The following NSD2 variants were observed in gnomAD, a reference collection of about 807,000 sequenced individuals.
NSD2 encodes histone-lysine N-methyltransferase NSD2.
Under a neutral mutation model 139.0 loss-of-function variants are expected in NSD2, and 12 were observed. That is an observed-to-expected ratio of 0.09 (90% CI 0.06 to 0.14). The LOEUF (loss-of-function observed/expected upper bound fraction) is 0.14, where lower values mean the gene tolerates loss of function less well. Among genes scored for constraint, NSD2 ranks in the 10% least tolerant of loss-of-function variants. The pLI is 1.00. For synonymous variants in NSD2, 669 were observed against 648.7 expected, an observed-to-expected ratio of 1.03 and a Z score of -0.48; for missense variants, 1,155 against 1,745.0, an observed-to-expected ratio of 0.66 and a Z score of 6.02.
rs759061394 is a variant in NSD2, at chr4:1,951,115, A to T, written c.1925A>T (p.Glu642Val). 3.7e-6 allele frequency: 6 copies of T among 1,614,112 alleles called. No homozygotes were observed. The highest frequency in any genetic ancestry group is 5.1e-6 in the Non-Finnish European group (6 of 1,180,046). The change falls in exon 10 of 22, where the codon GAA becomes GTA. Residue 642 changes from glutamate (E) to valine (V), a missense_variant. Glu to Val is a moderately radical substitution (Grantham distance 121). Around this residue, in one of 8 missense-constraint regions of NSD2, gnomAD observed 420 missense variants for 469.0 expected, o/e 0.90. Coordinates refer to ENST00000508803, the MANE Select transcript of NSD2 (RefSeq NM_001042424.3). ...GACGAGCCCTCGGAGTCCCCATACG[A>T]AAGTGCAGACGAAACACAAACTGAA... ...PGDEPSESPY[E>V]SADETQTEVS... is the part of the protein sequence containing the mutation.
chr4:1,976,365 G>T lies in NSD2; in HGVS notation c.3622-110G>T, dbSNP rs1727080571. 4 of 1,193,702 alleles carry T rather than the reference G, an allele frequency of 3.4e-6. No individual in the cohort carries two copies. Among genetic ancestry groups the T allele is most frequent in the Non-Finnish European group, 2.4e-6 (2 of 839,718 alleles). 73.9% of individuals were successfully genotyped at this position (1,193,702 alleles called of 1,614,324 possible). A position where few individuals can be genotyped will look rare whatever the true frequency, so the allele number is the denominator to read the frequency against. ...CTCCTCTCCTCTCCTCTTAGTGTTG[G>T]GCACCTGCAGAGATCTCTGAAGTTC... On this transcript the variant is annotated intron_variant, in intron 20 of 21. Transcript: ENST00000508803. This position sits in a 1 kb window ranked among gnomAD's most constrained non-coding sequence, Gnocchi z 5.3.
At chr4:1,946,142 A>G (rs749081046) in intron 9 of NSD2, 3 of 1,027,332 alleles carry the variant, frequency 2.9e-6, no homozygotes, top group Middle Eastern at 4.5e-4. Context: ...AAGCTAAATT[A>G]TAGTCTTTTG....
intron 18 of NSD2, among the ~76,000 whole-genome samples, chr4:1,967,114 A>G (rs931805684): frequency 6.6e-6 from 1 of 152,260 alleles, no homozygotes; most frequent in Non-Finnish European, 1.5e-5. Context: ...CTTCTACAGA[A>G]ATAAAAAAGG....
chr4:1,956,608 T>G lies in NSD2; in HGVS notation c.2881+420T>G, dbSNP rs1272360749. On this transcript the variant is annotated intron_variant, in intron 15 of 21. Coordinates refer to ENST00000508803, the MANE Select transcript of NSD2 (RefSeq NM_001042424.3). The surrounding 1 kb of genome is among the most constrained non-coding windows in gnomAD (Gnocchi z 5.3). Reference sequence around the variant, plus strand: ...TCAAGCAGACAAGGTGCTTGGCCTCTGATTCCCCAGCTGGGGTGGGAGGCA... The same window carrying G: ...TCAAGCAGACAAGGTGCTTGGCCTCGGATTCCCCAGCTGGGGTGGGAGGCA... 2.0e-5 allele frequency among the ~76,000 whole-genome samples: 3 copies of G among 152,226 alleles called. No homozygotes were observed. Among genetic ancestry groups the G allele is most frequent in the Non-Finnish European group, 4.4e-5 (3 of 68,038 alleles).
In NSD2 at chr4:1,976,795, G is replaced by A. The variant is rs141584086; in HGVS notation, c.3826+116G>A. 1.2e-3 allele frequency: 1,360 copies of A among 1,106,694 alleles called. 10 individuals are homozygous for A. In the African/African-American group the frequency reaches 0.019, roughly 15 times the overall value. 68.6% of individuals were successfully genotyped at this position (1,106,694 alleles called of 1,614,324 possible). The stretch of plus-strand genomic sequence containing the variant: ...TCATCTGGGTGCAGGCACATCAGGC[G>A]CTCATGCAGCGAAGGCCCTGATCCA... On this transcript the variant is annotated intron_variant, in intron 21 of 21. Transcript: ENST00000508803. The surrounding 1 kb of genome is among the most constrained non-coding windows in gnomAD (Gnocchi z 5.3).
intron 1 of NSD2, among the ~76,000 whole-genome samples, chr4:1,873,064 G>C (rs1437695031): frequency 6.6e-6 from 1 of 152,166 alleles, no homozygotes; most frequent in Non-Finnish European, 1.5e-5. Flanking sequence ...TGGAGATGAA[G>C]AGGACTCATG....
intron 21 of NSD2, 31 bp from the exon 22 acceptor site, chr4:1,978,607 C>A (rs1024133445): frequency 6.3e-7 from 1 of 1,577,418 alleles, no homozygotes; most frequent in African/African-American, 1.3e-5. Flanking sequence ...TCCATCACTT[C>A]TGTGTGCTCA....
chr4:1,944,621 C>T, intron 9 of NSD2: 2 of 1,063,254 alleles, frequency 1.9e-6, no homozygotes, highest in Non-Finnish European at 2.3e-6. Flanking sequence ...TGTAGCTGTT[C>T]TAAAAACGTA....
chr4:1,909,306 G>C (rs909728175), intron 3 of NSD2, among the ~76,000 whole-genome samples: 1 of 152,064 alleles, frequency 6.6e-6, no homozygotes, highest in Non-Finnish European at 1.5e-5. Flanking sequence ...AGAAGGCCTA[G>C]GTTCTTTGAG....
At chr4:1,910,920 T>A (rs1263325590) in intron 3 of NSD2, among the ~76,000 whole-genome samples, 1 of 152,224 alleles carries the variant, frequency 6.6e-6, no homozygotes, top group African/African-American at 2.4e-5. Context: ...TGTGGTCTCA[T>A]GTCGTTGTGA....
intron 10 of NSD2, 48 bp from the exon 11 acceptor site, chr4:1,952,060 C>A (rs766672132): frequency 1.2e-5 from 20 of 1,600,156 alleles, no homozygotes; most frequent in Non-Finnish European, 1.7e-5. Flanking sequence ...GTAAGAGGTG[C>A]AGAAGGGACT....
intron 1 of NSD2, among the ~76,000 whole-genome samples, chr4:1,883,324 CA>C (rs1714843218): frequency 6.6e-6 from 1 of 151,822 alleles, no homozygotes; most frequent in African/African-American, 2.4e-5. Context: ...CCCCTCCCCC[CA>C]TTTAAAAGTG....
In NSD2 at chr4:1,979,042, G is replaced by GGA. The variant is rs1327534049; in HGVS notation, c.*135_*136dup. 1.7e-6 allele frequency: 2 copies of GGA among 1,205,368 alleles called. No homozygotes were observed. Among genetic ancestry groups the GGA allele is most frequent in the African/African-American group, 3.1e-5 (2 of 65,018 alleles). The allele number at this position is 1,205,368 out of a possible 1,614,324, so 74.7% of individuals were successfully genotyped here. On this transcript the variant is annotated 3_prime_UTR_variant, in exon 22 of 22. Coordinates refer to ENST00000508803, the MANE Select transcript of NSD2 (RefSeq NM_001042424.3). ...GGACACAGACGTACAGGCCTCCTCG[G>GGA]GAGGGAGCGCCTCCCCACCACTGAG... is the stretch of plus-strand genomic sequence containing the variant.
intron 5 of NSD2, among the ~76,000 whole-genome samples, chr4:1,920,244 G>A (rs1379079077): frequency 2.6e-5 from 4 of 152,248 alleles, no homozygotes; most frequent in African/African-American, 7.2e-5. Context: ...GAGGTTAGGA[G>A]TTTGAGGCTA....
intron 12 of NSD2, 151 bp downstream of exon 12, chr4:1,953,675 C>A (rs1268697371): frequency 7.0e-6 from 7 of 993,016 alleles, no homozygotes; most frequent in Admixed American, 5.6e-5. Context: ...GTTGGGTTTT[C>A]TTTGACAAAG....
intron 3 of NSD2, among the ~76,000 whole-genome samples, chr4:1,916,468 C>T (rs1719412037): frequency 1.3e-5 from 2 of 152,198 alleles, no homozygotes; most frequent in African/African-American, 4.8e-5. Context: ...ACCTCAGCCT[C>T]CAGAGTAGCT....
intron 18 of NSD2, among the ~76,000 whole-genome samples, chr4:1,963,006 G>A (rs1306687231): frequency 6.6e-6 from 1 of 152,108 alleles, no homozygotes; most frequent in Non-Finnish European, 1.5e-5. Context: ...GGTGGGCTCT[G>A]GCATACCCTA....
chr4:1,880,749 G>C (rs904146223), intron 1 of NSD2, among the ~76,000 whole-genome samples: 1 of 152,138 alleles, frequency 6.6e-6, no homozygotes, highest in African/African-American at 2.4e-5. Context: ...TATAAGACCA[G>C]TAAGCCATAC....
intron 9 of NSD2, chr4:1,946,250 AT>A: frequency 1.0e-6 from 1 of 981,504 alleles, no homozygotes; most frequent in Non-Finnish European, 1.2e-6. Flanking sequence ...GGGGTCTTGC[AT>A]TTATTTATTA....
Sources: gnomAD v4.1 joint callset for allele counts (sites outside exome capture counted in the v4.1 genomes callset) on GRCh38, gnomAD v4.1.1 for gene constraint, gnomAD v4.1.1 regional missense constraint, Gnocchi (gnomAD v3.1) non-coding constraint, MANE v1.5 for transcripts, NCBI Gene and HGNC (gene_info 2026-07-23, HGNC 2026-07-21) for gene names.